The following PRELID2 variants were observed in gnomAD, a reference collection of about 807,000 sequenced individuals.
PRELID2 encodes the protein PRELI domain-containing protein 2.
Under a neutral mutation model 28.4 loss-of-function variants are expected in PRELID2, and 25 were observed. The observed-to-expected ratio is 0.88, with a 90% confidence interval of 0.64 to 1.23. PRELID2 has a LOEUF of 1.23. Ranked by LOEUF, PRELID2 falls within the 50% of genes most tolerant of loss-of-function variation. PRELID2 has a pLI of 0.00. For missense variants in PRELID2, 201 were observed against 214.4 expected (o/e 0.94, Z 0.39); for synonymous variants, 76 against 71.6 (o/e 1.06, Z -0.31).
chr5:145,369,141 T>C, the PRELID2 span, among the ~76,000 whole-genome samples: 5 of 151,998 alleles, frequency 3.3e-5, no homozygotes, highest in Non-Finnish European at 7.4e-5. Flanking sequence ...GTAATGAACA[T>C]GATTTTGTTC....
chr5:145,336,722 A>T, the PRELID2 span, among the ~76,000 whole-genome samples: 8 of 152,076 alleles, frequency 5.3e-5, no homozygotes, highest in Admixed American at 3.3e-4. Context: ...CAAATGTCCA[A>T]CAATGATAGA....
intron 1 of PRELID2, among the ~76,000 whole-genome samples, chr5:145,732,114 G>A (rs1756363044): frequency 6.6e-6 from 1 of 152,132 alleles, no homozygotes. Flanking sequence ...AAATTTTGGG[G>A]ATTATACTTG....
chr5:145,525,713 G>A (rs1375597408), intron 1 of PRELID2, among the ~76,000 whole-genome samples: 3 of 152,024 alleles, frequency 2.0e-5, no homozygotes, highest in African/African-American at 4.8e-5. Flanking sequence ...CTCAATGATC[G>A]AAGAACAAGC....
chr5:145,350,510 G>T, the PRELID2 span, among the ~76,000 whole-genome samples: 4 of 152,198 alleles, frequency 2.6e-5, no homozygotes, highest in African/African-American at 7.2e-5. Flanking sequence ...GTTGAGAGTT[G>T]ATTGAGGCCA....
chr5:145,235,040 T>C, the PRELID2 span, among the ~76,000 whole-genome samples: 4 of 152,024 alleles, frequency 2.6e-5, no homozygotes, highest in African/African-American at 7.2e-5. Context: ...CAAAGGGAAA[T>C]GTAACAGGAC....
At chr5:145,422,422 T>C in the PRELID2 span, among the ~76,000 whole-genome samples, 5 of 152,218 alleles carry the variant, frequency 3.3e-5, no homozygotes, top group Admixed American at 3.3e-4. Flanking sequence ...TGCTCCTGTA[T>C]TGGGTGCATA....
At chr5:145,605,212 C>G (rs1471332069) in intron 1 of PRELID2, among the ~76,000 whole-genome samples, 1 of 151,770 alleles carries the variant, frequency 6.6e-6, no homozygotes, top group African/African-American at 2.4e-5. Context: ...ATTTGTTGCT[C>G]TTGCTTTTGA....
At chr5:145,575,313 G>A (rs578110388) in intron 1 of PRELID2, among the ~76,000 whole-genome samples, 2 of 152,270 alleles carry the variant, frequency 1.3e-5, no homozygotes, top group South Asian at 2.1e-4. Context: ...AGATGCCTGA[G>A]GGACTCAATG....
chr5:145,614,150 G>A (rs1561520189), intron 1 of PRELID2, among the ~76,000 whole-genome samples: 1 of 152,058 alleles, frequency 6.6e-6, no homozygotes, highest in Non-Finnish European at 1.5e-5. Context: ...TTTATTTCTG[G>A]GTTCTCTATT....
chr5:145,747,436 TACATTCCTGGAC>T (rs1757021162), intron 1 of PRELID2, among the ~76,000 whole-genome samples: 4 of 152,122 alleles, frequency 2.6e-5, no homozygotes, highest in Admixed American at 2.6e-4. Flanking sequence ...AAGATATGGA[TACATTCCTGGAC>T]ACATATGCCC....
chr5:145,372,900 CATAT>C, the PRELID2 span, among the ~76,000 whole-genome samples: 4 of 38,808 alleles, frequency 1.0e-4, no homozygotes, highest in Non-Finnish European at 1.5e-4. Flanking sequence ...TATATTACAA[CATAT>C]ATAATATATA....
chr5:145,333,974 G>T, the PRELID2 span, among the ~76,000 whole-genome samples: 1 of 152,098 alleles, frequency 6.6e-6, no homozygotes, highest in Non-Finnish European at 1.5e-5. Context: ...GTAGTATCCT[G>T]GCTGAAATGC....
intron 1 of PRELID2, among the ~76,000 whole-genome samples, chr5:145,697,328 T>C (rs889256605): frequency 4.6e-5 from 7 of 152,040 alleles, no homozygotes; most frequent in South Asian, 4.2e-4. Context: ...TGGGAGTCAG[T>C]GCATTCACAG....
intron 2 of PRELID2, among the ~76,000 whole-genome samples, chr5:145,472,399 C>T (rs1752063301): frequency 6.6e-6 from 1 of 151,946 alleles, no homozygotes; most frequent in Admixed American, 6.6e-5. Context: ...AAACACAGCC[C>T]CAGATAGGTT....
chr5:145,808,130 G>A (rs1442179972), intron 4 of PRELID2, among the ~76,000 whole-genome samples: 1 of 152,136 alleles, frequency 6.6e-6, no homozygotes, highest in Non-Finnish European at 1.5e-5. Flanking sequence ...AGCAGAGGGA[G>A]TCATGTTTTG....
rs1347973952 is a variant in PRELID2 at position 145,677,430 on chromosome 5, T to C, written n.70+87501A>G. On this transcript the variant is annotated intron_variant and non_coding_transcript_variant, in intron 1 of 2. Transcript: ENST00000510259. ...TCGGCCTCCCAAAGTGTTGGGATTA[T>C]GGGCCTGAGCCACCATGCCTGGCTG... is the stretch of plus-strand genomic sequence containing the variant. Among the ~76,000 whole-genome samples, 3 of 152,226 alleles carry C rather than the reference T, an allele frequency of 2.0e-5. No homozygotes were observed. The East Asian group carries it at 5.8e-4, about 29-fold the overall frequency.
chr5:145,579,712 C>T (rs972360488), intron 1 of PRELID2, among the ~76,000 whole-genome samples: 1 of 151,988 alleles, frequency 6.6e-6, no homozygotes, highest in African/African-American at 2.4e-5. Context: ...TGGATCGAGG[C>T]TGAGCCCCCC....
the PRELID2 span, among the ~76,000 whole-genome samples, chr5:145,316,042 G>A: frequency 6.6e-6 from 1 of 152,070 alleles, no homozygotes; most frequent in African/African-American, 2.4e-5. Flanking sequence ...ATGGTGGACT[G>A]CTGTGTTTCT....
chr5:145,640,425 G>A (rs1467468168), intron 1 of PRELID2, among the ~76,000 whole-genome samples: 4 of 146,632 alleles, frequency 2.7e-5, no homozygotes, highest in Admixed American at 6.9e-5. Flanking sequence ...GCAGTGAGCC[G>A]AGATCGCGCC....
Sources: allele counts gnomAD v4.1 joint callset (sites outside exome capture counted in the v4.1 genomes callset), GRCh38; gene constraint gnomAD v4.1.1; transcripts MANE v1.5; gene names NCBI Gene and HGNC (gene_info 2026-07-23, HGNC 2026-07-21).